Variants in PCDHGA9 observed in about 807,000 individuals in gnomAD.
PCDHGA9 encodes protocadherin gamma subfamily A, 9.
PCDHGA9 carries 37 observed loss-of-function variants against 62.5 expected under a neutral mutation model. That is an observed-to-expected ratio of 0.59 (90% CI 0.46 to 0.78). PCDHGA9 has a LOEUF of 0.78. Among genes scored for constraint, PCDHGA9 ranks in the 30% least tolerant of loss-of-function variants. The pLI, the probability that PCDHGA9 is intolerant of heterozygous loss-of-function variation, is 0.00. For missense variants in PCDHGA9, 1,138 were observed against 1,166.2 expected (o/e 0.98, Z 0.35); for synonymous variants, 459 against 484.6 (o/e 0.95, Z 0.69).
chr5:141,483,951 TTG>T (rs1298075162), intron 1 of PCDHGA9, among the ~76,000 whole-genome samples: 2 of 147,758 alleles, frequency 1.4e-5, no homozygotes, highest in Non-Finnish European at 3.0e-5. Flanking sequence ...GTGAATTGTG[TTG>T]TGTTTCTGTG....
chr5:141,444,240 C>A (rs1017550385), intron 1 of PCDHGA9, among the ~76,000 whole-genome samples: 1 of 128,688 alleles, frequency 7.8e-6, no homozygotes, highest in Admixed American at 9.7e-5. Flanking sequence ...GGCATGCTCT[C>A]GGCTCACTGC....
Position 141,410,441 on chromosome 5 carries a change from A to T in PCDHGA9, c.2424+5065A>T. ...AGTTCCCCCCAACTACAGTGAGGGGACTTTGCCTTATTCTTATAATCTGTG... is the reference window on the plus strand; with the variant it reads ...AGTTCCCCCCAACTACAGTGAGGGGTCTTTGCCTTATTCTTATAATCTGTG... On this transcript the variant is annotated intron_variant, in intron 1 of 3. Transcript: ENST00000573521. 2 of 1,613,946 alleles carry T rather than the reference A, an allele frequency of 1.2e-6. 1 individual carries two copies. The highest frequency in any genetic ancestry group is 2.2e-5 in the South Asian group (2 of 91,074).
chr5:141,478,121 G>T lies in PCDHGA9; in HGVS notation c.2425-16686G>T. On this transcript the variant is annotated intron_variant, in intron 1 of 3. Coordinates refer to ENST00000573521, the MANE Select transcript of PCDHGA9 (RefSeq NM_018921.3). ...TACCCTCACTGTGTCAGTAACCGAG[G>T]ACTCTCCTGAAGCCCGAGCCGAGTT... 2.5e-6 allele frequency: 4 copies of T among 1,614,036 alleles called. No individual in the cohort carries two copies. In the African/African-American group the frequency reaches 4.0e-5, roughly 16 times the overall value.
At chr5:141,410,266 G>A in intron 1 of PCDHGA9, 1 of 1,614,036 alleles carries the variant, frequency 6.2e-7, no homozygotes, top group South Asian at 1.1e-5. Context: ...AGGCTGAACT[G>A]CAGTTTTACC....
intron 1 of PCDHGA9, chr5:141,419,581 C>T: frequency 6.2e-7 from 1 of 1,611,888 alleles, no homozygotes; most frequent in South Asian, 1.1e-5. Context: ...GCTCCGCGCT[C>T]TTCGACACAG....
intron 1 of PCDHGA9, chr5:141,408,050 G>C: frequency 7.9e-7 from 1 of 1,259,544 alleles, no homozygotes; most frequent in South Asian, 1.6e-5. Context: ...CCCACACAGA[G>C]CCTCCCGGCT....
intron 1 of PCDHGA9, among the ~76,000 whole-genome samples, chr5:141,472,026 G>C (rs2099269805): frequency 6.6e-6 from 1 of 152,108 alleles, no homozygotes; most frequent in Non-Finnish European, 1.5e-5. Context: ...ATTGTATGTA[G>C]AAAGCTGTGA....
Position 141,489,160 on chromosome 5 carries a change from C to A in PCDHGA9, c.2425-5647C>A. 1 of 1,029,962 alleles carries A rather than the reference C, an allele frequency of 9.7e-7. No individual in the cohort carries two copies. The highest frequency in any genetic ancestry group is 1.4e-6 in the Non-Finnish European group (1 of 701,366). 63.8% of individuals were successfully genotyped at this position (1,029,962 alleles called of 1,614,324 possible). ...GGCTGGAAGGAGACATAAGAGACTT[C>A]AGCTGCTGCATTCCAAGCCCTGGGT... On this transcript the variant is annotated intron_variant, in intron 1 of 3. Coordinates refer to ENST00000573521, the MANE Select transcript of PCDHGA9 (RefSeq NM_018921.3). The surrounding 1 kb of genome is among the most constrained non-coding windows in gnomAD (Gnocchi z 4.5).
At chr5:141,427,088 T>C in intron 1 of PCDHGA9, 1 of 458,156 alleles carries the variant, frequency 2.2e-6, no homozygotes. Flanking sequence ...CTGACCAGGA[T>C]GAGGGTGTCA....
At chr5:141,422,725 G>C (rs1424048338) in intron 1 of PCDHGA9, 1 of 1,606,156 alleles carries the variant, frequency 6.2e-7, no homozygotes, top group African/African-American at 1.3e-5. Flanking sequence ...TGTCCAGGGG[G>C]TGCCTCTGTC....
At position 141,405,187 on chromosome 5, in the gene PCDHGA9, G is replaced by T. The variant is rs372851700; in HGVS notation, c.2235G>T (p.Gly745=). 9.3e-6 allele frequency: 15 copies of T among 1,613,480 alleles called. No homozygotes were observed. The highest frequency in any genetic ancestry group is 1.3e-5 in the Non-Finnish European group (15 of 1,179,798). The part of the protein sequence containing the change: ...VPTSHFVGVD[G]VRAFLQTYSQ... ...CCTCACACTTTGTGGGTGTAGATGGGGTTCGAGCTTTCCTACAGACCTATT... is the reference window on the plus strand; with the variant it reads ...CCTCACACTTTGTGGGTGTAGATGGTGTTCGAGCTTTCCTACAGACCTATT... Residue 745 remains glycine, a synonymous_variant, in exon 1 of 4, where the codon GGG becomes GGT. Transcript: ENST00000573521.
intron 1 of PCDHGA9, chr5:141,414,601 T>A: frequency 6.2e-7 from 1 of 1,613,944 alleles, no homozygotes; most frequent in Non-Finnish European, 8.5e-7. Flanking sequence ...TGCCTCCATC[T>A]TCTCAGTGAC....
In PCDHGA9 at chr5:141,456,878, G is replaced by T. The variant is rs71583646; in HGVS notation, c.2425-37929G>T. On this transcript the variant is annotated intron_variant, in intron 1 of 3. Coordinates refer to ENST00000573521, the MANE Select transcript of PCDHGA9 (RefSeq NM_018921.3). ...ATTGGGAGGCTGAGGCAGGAGAATCGCTTGAACCCGGGAGGCAGAGGTTGC... is the reference window on the plus strand; with the variant it reads ...ATTGGGAGGCTGAGGCAGGAGAATCTCTTGAACCCGGGAGGCAGAGGTTGC... Among the ~76,000 whole-genome samples, 307 of 152,160 alleles carry T rather than the reference G, an allele frequency of 2.0e-3. 1 individual carries two copies. The highest frequency in any genetic ancestry group is 0.01 in the Middle Eastern group (3 of 294).
intron 1 of PCDHGA9, chr5:141,410,388 C>G (rs1312753736): frequency 6.2e-7 from 1 of 1,613,962 alleles, no homozygotes; most frequent in African/African-American, 1.3e-5. Flanking sequence ...TGCTTCCATC[C>G]TGGTCTCTGT....
rs992096722 is a variant in PCDHGA9, at chr5:141,413,506, A to G, written c.2424+8130A>G. 3 of 1,613,910 alleles carry G rather than the reference A, an allele frequency of 1.9e-6. No individual in the cohort carries two copies. The highest frequency in any genetic ancestry group is 2.7e-5 in the African/African-American group (2 of 74,954). On this transcript the variant is annotated intron_variant, in intron 1 of 3. Coordinates refer to ENST00000573521, the MANE Select transcript of PCDHGA9 (RefSeq NM_018921.3). ...GAGCGCGCGGTGCGTGGTGAGTTTT[A>G]ATATCCTTGTGGAAGACAGGGTGAA... is the stretch of plus-strand genomic sequence containing the variant.
Position 141,431,021 on chromosome 5 carries a change from G to A in PCDHGA9, c.2424+25645G>A. On this transcript the variant is annotated intron_variant, in intron 1 of 3. Coordinates refer to ENST00000573521, the MANE Select transcript of PCDHGA9 (RefSeq NM_018921.3). This position sits in a 1 kb window ranked among gnomAD's most constrained non-coding sequence, Gnocchi z 4.8. ...GCGCAGCGGCAGCTTGGTCACGGCG[G>A]GCAGGATAGACCGGGAGGAGCTCTG... is the stretch of plus-strand genomic sequence containing the variant. 1 of 1,613,940 alleles carries A rather than the reference G, an allele frequency of 6.2e-7. No individual in the cohort carries two copies. Among genetic ancestry groups the A allele is most frequent in the Non-Finnish European group, 8.5e-7 (1 of 1,179,936 alleles).
intron 2 of PCDHGA9, 119 bp from the exon 3 acceptor site, chr5:141,505,274 C>T: frequency 6.6e-7 from 1 of 1,524,344 alleles, no homozygotes; most frequent in East Asian, 2.3e-5. Flanking sequence ...CTGAGAGAAA[C>T]AGGTCTTGGG....
intron 1 of PCDHGA9, chr5:141,410,199 A>G: frequency 6.2e-7 from 1 of 1,613,998 alleles, no homozygotes; most frequent in South Asian, 1.1e-5. Flanking sequence ...GTCTTCGCAG[A>G]CAACTTGCAA....
chr5:141,441,865 G>T, intron 1 of PCDHGA9: 1 of 345,726 alleles, frequency 2.9e-6, no homozygotes. Context: ...GCACGCCGCG[G>T]AGCCTGGCTA....
Sources: gnomAD v4.1 joint callset for allele counts (sites outside exome capture counted in the v4.1 genomes callset) on GRCh38, gnomAD v4.1.1 for gene constraint, Gnocchi (gnomAD v3.1) non-coding constraint, MANE v1.5 for transcripts, NCBI Gene and HGNC (gene_info 2026-07-23, HGNC 2026-07-21) for gene names.